ANKRD18A: variants seen among roughly 807,000 people sequenced by gnomAD.
The protein encoded by ANKRD18A is ankyrin repeat domain 18A.
A neutral mutation model predicts 110.6 loss-of-function variants in ANKRD18A; 72 were observed. The observed-to-expected ratio is 0.65, with a 90% CI of 0.54 to 0.79. ANKRD18A has a LOEUF of 0.79. Ranked by LOEUF, ANKRD18A falls within the 30% of genes least tolerant of loss-of-function variation. The pLI, the probability that ANKRD18A is intolerant of heterozygous loss-of-function variation, is 0.00. For synonymous variants in ANKRD18A, 305 were observed against 410.3 expected (o/e 0.74, Z 3.10); for missense variants, 934 against 1,163.3 (o/e 0.80, Z 2.87).
At chr9:38,605,816 G>A (rs560978690) in intron 6 of ANKRD18A, among the ~76,000 whole-genome samples, 2 of 152,272 alleles carry the variant, frequency 1.3e-5, no homozygotes, top group East Asian at 1.9e-4. Flanking sequence ...GTTTCACCAT[G>A]TTGGTCAGGC....
intron 11 of ANKRD18A, among the ~76,000 whole-genome samples, chr9:38,588,221 C>T (rs1177696299): frequency 6.6e-6 from 1 of 152,188 alleles, no homozygotes; most frequent in Non-Finnish European, 1.5e-5. Context: ...GCCCCAGCAG[C>T]TCAGCTGACT....
rs1823642700 is a variant in ANKRD18A, at chr9:38,571,538, C to T, written c.*507G>A. ...TATTTACAGAGCTTCAAAGTATCTC[C>T]ACACAAAATACTATTGAGCTACAAG... On this transcript the variant is annotated 3_prime_UTR_variant, in exon 16 of 16. Coordinates refer to ENST00000399703, the MANE Select transcript of ANKRD18A (RefSeq NM_147195.4). 1.1e-6 allele frequency: 1 copy of T among 949,448 alleles called. No individual in the cohort carries two copies. The highest frequency in any genetic ancestry group is 5.1e-4 in the Middle Eastern group (1 of 1,946). The allele number at this position is 949,448 out of a possible 1,614,324, so 58.8% of individuals were successfully genotyped here. A position where few individuals can be genotyped will look rare whatever the true frequency, so the allele number is the denominator to read the frequency against.
At position 38,615,716 on chromosome 9, in the gene ANKRD18A, C is replaced by T. The variant is rs781203100; in HGVS notation, c.373G>A (p.Ala125Thr). 9 of 1,612,738 alleles carry T rather than the reference C, an allele frequency of 5.6e-6. No homozygotes were observed. The highest frequency in any genetic ancestry group is 1.1e-5 in the South Asian group (1 of 91,016). Residue 125 changes from alanine to threonine, a missense_variant, in exon 3 of 16, where the codon GCC (alanine) becomes ACC (threonine). Coordinates refer to ENST00000399703, the MANE Select transcript of ANKRD18A (RefSeq NM_147195.4). The stretch of plus-strand genomic sequence containing the variant: ...TAGATATCCTCAATGTTTGGATTGG[C>T]GCCACATTCCAGGAGAACGATGGCA... ...ACAIVLLECG[A>T]NPNIEDIYGN...
chr9:38,574,458 A>T (rs1331498878), intron 15 of ANKRD18A, among the ~76,000 whole-genome samples: 3 of 152,144 alleles, frequency 2.0e-5, no homozygotes, highest in Non-Finnish European at 4.4e-5. Context: ...GTGGGATTAC[A>T]GGTGCCTGCC....
At chr9:38,575,339 C>T (rs1823834795) in intron 15 of ANKRD18A, 137 bp downstream of exon 15, 1 of 932,608 alleles carries the variant, frequency 1.1e-6, no homozygotes, top group Admixed American at 3.6e-5. Context: ...GTTTCCATTT[C>T]CTTTCTGTGT....
chr9:38,586,545 C>T (rs189823508), intron 11 of ANKRD18A, among the ~76,000 whole-genome samples: 117 of 151,464 alleles, frequency 7.7e-4, no homozygotes, highest in African/African-American at 2.4e-3. Context: ...AATAGCCATA[C>T]AGTTTTTGGT....
chr9:38,574,944 AT>A (rs1363474294), intron 15 of ANKRD18A, among the ~76,000 whole-genome samples: 1 of 151,990 alleles, frequency 6.6e-6, no homozygotes, highest in Admixed American at 6.6e-5. Context: ...AAATACAAAA[AT>A]TAGCCAGGTG....
In ANKRD18A at chr9:38,586,166, T is replaced by G. The variant is rs760608144; in HGVS notation, c.2247+17A>C. The G allele has an allele frequency of 6.1e-5, 96 of 1,584,532 alleles. No individual in the cohort carries two copies. The highest frequency in any genetic ancestry group is 7.7e-5 in the Non-Finnish European group (90 of 1,165,876). On this transcript the variant is annotated intron_variant, in intron 12 of 15. Coordinates refer to ENST00000399703, the MANE Select transcript of ANKRD18A (RefSeq NM_147195.4). The stretch of plus-strand genomic sequence containing the variant: ...TAATCTAGACCTTAAGATAAAATAA[T>G]AATTTTTTAAAATTACCTTCTGTTT...
intron 12 of ANKRD18A, among the ~76,000 whole-genome samples, chr9:38,583,081 T>A (rs1824230224): frequency 6.6e-6 from 1 of 152,240 alleles, no homozygotes; most frequent in Admixed American, 6.5e-5. Flanking sequence ...ATGTAATTAG[T>A]CATTAGGAAA....
At chr9:38,597,304 T>C (rs1369280875) in intron 8 of ANKRD18A, among the ~76,000 whole-genome samples, 2 of 152,154 alleles carry the variant, frequency 1.3e-5, no homozygotes, top group Non-Finnish European at 2.9e-5. Context: ...ATTTGGTTCC[T>C]GGGATATCAA....
At position 38,598,641 on chromosome 9, in the gene ANKRD18A, G is replaced by C. The variant is rs564174192; in HGVS notation, c.937-2238C>G. Among the ~76,000 whole-genome samples, 14 of 152,248 alleles carry C rather than the reference G, an allele frequency of 9.2e-5. 1 individual carries two copies. The highest frequency in any genetic ancestry group is 3.4e-4 in the African/African-American group (14 of 41,562). Reference sequence around the variant, plus strand: ...CTTCTAGACATGCTTTTGATGTTCTGTCATCACTATGTGGTGGAGAATAAC... The same window carrying C: ...CTTCTAGACATGCTTTTGATGTTCTCTCATCACTATGTGGTGGAGAATAAC... On this transcript the variant is annotated intron_variant, in intron 8 of 15. Coordinates refer to ENST00000399703, the MANE Select transcript of ANKRD18A (RefSeq NM_147195.4).
Position 38,595,971 on chromosome 9 carries a change from T to A in ANKRD18A, c.1369A>T (p.Lys457Ter), listed in dbSNP as rs1290390303. 1.3e-6 allele frequency: 2 copies of A among 1,550,246 alleles called. No homozygotes were observed. Among genetic ancestry groups the A allele is most frequent in the Non-Finnish European group, 1.7e-6 (2 of 1,146,402 alleles). Reference protein sequence around the residue: ...WRADDVSRHEKMGSNISQLTD... With the variant: ...WRADDVSRHE ...AGTTGAGAAATATTAGAACCCATTT[T>A]TTCATGTCTAGAAACATCATCTGCT... is the stretch of plus-strand genomic sequence containing the variant. The change falls in exon 9 of 16, where the codon AAA (lysine) becomes TAA (stop). Residue 457 changes from lysine (K) to a stop codon, truncating the protein, a stop_gained. Coordinates refer to ENST00000399703, the MANE Select transcript of ANKRD18A (RefSeq NM_147195.4). LOFTEE classifies it high-confidence loss of function.
intron 10 of ANKRD18A, among the ~76,000 whole-genome samples, chr9:38,590,068 A>G (rs1030302146): frequency 1.3e-4 from 20 of 152,126 alleles, no homozygotes; most frequent in African/African-American, 4.8e-4. Context: ...TACTTTGAGT[A>G]CAGTGTTATT....
chr9:38,578,248 A>AT (rs141320980), intron 12 of ANKRD18A, 100 bp from the exon 13 acceptor site: 2 of 1,157,834 alleles, frequency 1.7e-6, no homozygotes, highest in African/African-American at 1.6e-5. Context: ...TTGAAATAAA[A>AT]TGTTATCTAT....
intron 8 of ANKRD18A, among the ~76,000 whole-genome samples, chr9:38,596,833 C>G (rs1824903458): frequency 6.6e-6 from 1 of 152,142 alleles, no homozygotes; most frequent in African/African-American, 2.4e-5. Context: ...GATAAAATCT[C>G]TCAAAGTTTT....
intron 12 of ANKRD18A, among the ~76,000 whole-genome samples, chr9:38,585,868 T>A (rs1284809278): frequency 6.6e-6 from 1 of 152,100 alleles, no homozygotes; most frequent in African/African-American, 2.4e-5. Context: ...GGGACATGGA[T>A]GAACTCGGAG....
At chr9:38,605,073 C>A (rs1825292021) in intron 6 of ANKRD18A, among the ~76,000 whole-genome samples, 1 of 152,198 alleles carries the variant, frequency 6.6e-6, no homozygotes, top group African/African-American at 2.4e-5. Flanking sequence ...ACGTGCCTGG[C>A]ACATACTGAA....
chr9:38,595,269 C>T (rs1299506345), intron 9 of ANKRD18A, among the ~76,000 whole-genome samples: 2 of 152,126 alleles, frequency 1.3e-5, no homozygotes, highest in Admixed American at 6.5e-5. Context: ...TGCCCATTAG[C>T]AGTCACGACC....
chr9:38,577,780 C>A, intron 13 of ANKRD18A, 87 bp downstream of exon 13: 1 of 1,393,362 alleles, frequency 7.2e-7, no homozygotes, highest in Non-Finnish European at 9.4e-7. Flanking sequence ...GCAGAGGAAA[C>A]ACAATATATA....
Sources: allele counts gnomAD v4.1 joint callset (sites outside exome capture counted in the v4.1 genomes callset), GRCh38; gene constraint gnomAD v4.1.1; transcripts MANE v1.5; gene names NCBI Gene and HGNC (gene_info 2026-07-23, HGNC 2026-07-21).